PIWIL2: variants seen among roughly 807,000 people sequenced by gnomAD.
PIWIL2 encodes piwi like RNA-mediated gene silencing 2, also known as piwi-like protein 2.
Under a neutral mutation model 116.5 loss-of-function variants are expected in PIWIL2, and 81 were observed. The ratio of observed to expected loss-of-function variants is 0.70; its 90% CI spans 0.58 to 0.84. The LOEUF is 0.84. PIWIL2 is among the 40% of genes least tolerant of loss of function. The probability of loss-of-function intolerance (pLI) is 0.00; values close to 1 mark genes in which losing one functional copy is unlikely to be tolerated. For synonymous variants in PIWIL2, 489 were observed against 429.5 expected, an observed-to-expected ratio of 1.14 and a Z score of -1.71; for missense variants, 1,272 against 1,212.3, an observed-to-expected ratio of 1.05 and a Z score of -0.73.
At chr8:22,278,590 A>T (rs1210208301) in intron 1 of PIWIL2, among the ~76,000 whole-genome samples, 1 of 152,206 alleles carries the variant, frequency 6.6e-6, no homozygotes, top group Non-Finnish European at 1.5e-5. Context: ...TTTGGGTAGA[A>T]AATATAAGTA....
rs535874047 is a variant in PIWIL2 at position 22,335,099 on chromosome 8, C to T, written c.2403+16824C>T. ...TCAATTTTAATCCCCAAAAGGACCA[C>T]TAAGAAAATAACTCCAAGATATATA... On this transcript the variant is annotated intron_variant, in intron 20 of 22. Transcript: ENST00000356766. 1.7e-4 allele frequency among the ~76,000 whole-genome samples: 25 copies of T among 148,404 alleles called. No homozygotes were observed. The South Asian group carries it at 5.4e-3, about 32-fold the overall frequency.
At chr8:22,308,523 C>G (rs1054921009) in intron 14 of PIWIL2, among the ~76,000 whole-genome samples, 10 of 151,798 alleles carry the variant, frequency 6.6e-5, no homozygotes, top group African/African-American at 2.4e-4. Context: ...TGTCGAGGCA[C>G]GAGCCTGTAA....
chr8:22,307,056 T>G (rs1831199143), intron 13 of PIWIL2, among the ~76,000 whole-genome samples: 1 of 152,244 alleles, frequency 6.6e-6, no homozygotes, highest in Non-Finnish European at 1.5e-5. Flanking sequence ...AAAAGTGACT[T>G]ATGGTAACAT....
Position 22,315,128 on chromosome 8 carries a change from GGAGTGGATATTCCTCTGGT to G in PIWIL2, c.2197_2208+7del. ...CTGTAAATTGGGTGGTGAGCTCTGG[GGAGTGGATATTCCTCTGGT>G]GAGTGATGCCGAGATGGTTCAGTTT... On this transcript the variant is annotated splice_donor_variant and coding_sequence_variant, in exon 18 of 23. Coordinates refer to ENST00000356766, the MANE Select transcript of PIWIL2 (RefSeq NM_018068.5). LOFTEE classifies it high-confidence loss of function. 1 of 1,587,926 alleles carries G rather than the reference GGAGTGGATATTCCTCTGGT, an allele frequency of 6.3e-7. No individual in the cohort carries two copies. The highest frequency in any genetic ancestry group is 8.6e-7 in the Non-Finnish European group (1 of 1,156,182).
At chr8:22,342,238 A>C (rs1307768662) in intron 20 of PIWIL2, among the ~76,000 whole-genome samples, 2 of 152,248 alleles carry the variant, frequency 1.3e-5, no homozygotes, top group African/African-American at 4.8e-5. Flanking sequence ...AATTCTTCCC[A>C]AATTTGATTG....
chr8:22,284,208 G>C lies in PIWIL2; in HGVS notation c.679G>C (p.Gly227Arg). Reference protein sequence around the residue: ...QGSKGTPQSLGLNLVKIQCHN... With the variant: ...QGSKGTPQSLRLNLVKIQCHN... ...ATCAAAAGGAACACCTCAGTCTTTG[G>C]GACTGAACCTCGTCAAAATACAGTG... Residue 227 changes from glycine (G) to arginine (R), a missense_variant, in exon 6 of 23, where the codon GGA becomes CGA. By Grantham distance (125) the Gly-to-Arg change is moderately radical. Transcript: ENST00000356766. 6.2e-7 allele frequency: 1 copy of C among 1,605,930 alleles called. No homozygotes were observed. Among genetic ancestry groups the C allele is most frequent in the Non-Finnish European group, 8.5e-7 (1 of 1,176,568 alleles).
At chr8:22,326,505 C>G (rs1489830542) in intron 20 of PIWIL2, among the ~76,000 whole-genome samples, 1 of 152,180 alleles carries the variant, frequency 6.6e-6, no homozygotes, top group African/African-American at 2.4e-5. Flanking sequence ...ATTCCTTATT[C>G]ACACCTTCTC....
chr8:22,280,031 C>A (rs1222920832), intron 2 of PIWIL2, among the ~76,000 whole-genome samples: 1 of 151,934 alleles, frequency 6.6e-6, no homozygotes, highest in Non-Finnish European at 1.5e-5. Context: ...TTTTCTTTAA[C>A]AAGTAGATAC....
intron 10 of PIWIL2, among the ~76,000 whole-genome samples, chr8:22,303,289 A>G (rs986574183): frequency 2.6e-5 from 4 of 152,232 alleles, no homozygotes; most frequent in African/African-American, 9.7e-5. Flanking sequence ...TAGTCTAGTT[A>G]ATGATATTAT....
At chr8:22,317,761 G>A (rs543464444) in intron 19 of PIWIL2, among the ~76,000 whole-genome samples, 201 of 152,058 alleles carry the variant, frequency 1.3e-3, no homozygotes, top group Non-Finnish European at 2.2e-3. Context: ...CCAGGTTCAC[G>A]CCATTCTCCT....
At chr8:22,283,009 A>G in intron 4 of PIWIL2, 25 bp from the exon 5 acceptor site, 3 of 1,587,708 alleles carry the variant, frequency 1.9e-6, no homozygotes, top group East Asian at 2.2e-5. Flanking sequence ...AAAAACCCTG[A>G]TTTGCCTCTC....
In PIWIL2 at chr8:22,288,291, CTG is replaced by C. The variant is rs1427207554; in HGVS notation, c.862-249_862-248del. On this transcript the variant is annotated intron_variant, in intron 7 of 22. Coordinates refer to ENST00000356766, the MANE Select transcript of PIWIL2 (RefSeq NM_018068.5). The stretch of plus-strand genomic sequence containing the variant: ...CCAGCCTGGGTGACAGAGCGAGACT[CTG>C]TCTCCAAAAAAAAAAAAAAAAAAAA... 3.5e-5 allele frequency among the ~76,000 whole-genome samples: 4 copies of C among 115,504 alleles called. No individual in the cohort carries two copies. The Admixed American group carries it at 4.7e-4, about 14-fold the overall frequency. The allele number at this position is 115,504 out of a possible 152,430, so 75.8% of individuals were successfully genotyped here.
chr8:22,333,720 G>A (rs1205053456), intron 20 of PIWIL2, among the ~76,000 whole-genome samples: 1 of 152,026 alleles, frequency 6.6e-6, no homozygotes, highest in Non-Finnish European at 1.5e-5. Flanking sequence ...GGGTCGAGGA[G>A]GGAACTGGAG....
intron 10 of PIWIL2, among the ~76,000 whole-genome samples, chr8:22,301,649 C>G (rs1381326027): frequency 6.6e-6 from 1 of 151,798 alleles, no homozygotes; most frequent in Non-Finnish European, 1.5e-5. Context: ...AGAATTTATA[C>G]TTTTTCTTTC....
intron 20 of PIWIL2, among the ~76,000 whole-genome samples, chr8:22,341,977 T>TAAA (rs530423710): frequency 2.8e-4 from 34 of 121,560 alleles, no homozygotes; most frequent in African/African-American, 9.1e-4. Context: ...TCTATTGCTG[T>TAAA]AAAAAAAAAA....
At chr8:22,291,140 T>TTTTTC (rs1212388889) in intron 10 of PIWIL2, among the ~76,000 whole-genome samples, 1 of 151,560 alleles carries the variant, frequency 6.6e-6, no homozygotes, top group Non-Finnish European at 1.5e-5. Flanking sequence ...GGCTAATTTT[T>TTTTTC]TTTTCTTTTC....
intron 20 of PIWIL2, among the ~76,000 whole-genome samples, chr8:22,351,923 A>G (rs1280888392): frequency 6.6e-6 from 1 of 151,778 alleles, no homozygotes; most frequent in East Asian, 2.0e-4. Flanking sequence ...ATTAAACTAA[A>G]GCACTTTTAA....
chr8:22,289,655 T>G (rs1487203209), intron 8 of PIWIL2, among the ~76,000 whole-genome samples, 192 bp from the exon 9 acceptor site: 2 of 152,270 alleles, frequency 1.3e-5, no homozygotes, highest in Non-Finnish European at 2.9e-5. Flanking sequence ...TTTGCTTTGC[T>G]TTTTCAGTCA....
At chr8:22,335,072 A>T (rs13254923) in intron 20 of PIWIL2, among the ~76,000 whole-genome samples, 10,188 of 146,184 alleles carry the variant, frequency 0.07, 623 homozygotes, top group Admixed American at 0.1. Context: ...AAAAAAAAAA[A>T]GTCAATTTTA....
Sources: gnomAD v4.1 joint callset for allele counts (sites outside exome capture counted in the v4.1 genomes callset) on GRCh38, gnomAD v4.1.1 for gene constraint, MANE v1.5 for transcripts, NCBI Gene and HGNC (gene_info 2026-07-23, HGNC 2026-07-21) for gene names.